FMO5: variants seen among roughly 807,000 people sequenced by gnomAD.
The protein encoded by FMO5 is flavin containing dimethylaniline monoxygenase 5.
A neutral mutation model predicts 43.6 loss-of-function variants in FMO5; 51 were observed. That is an observed-to-expected ratio of 1.17 (90% confidence interval 0.93 to 1.48). The LOEUF (loss-of-function observed/expected upper bound fraction) is 1.48, where lower values mean the gene tolerates loss of function less well. Ranked by LOEUF, FMO5 falls within the 40% of genes most tolerant of loss-of-function variation. The pLI is 0.00. For synonymous variants in FMO5, 187 were observed against 216.5 expected (o/e 0.86, Z 1.20); for missense variants, 644 against 643.0 (o/e 1.00, Z -0.02).
intron 6 of FMO5, chr1:147,203,543 C>A: frequency 1.1e-6 from 1 of 934,246 alleles, no homozygotes; most frequent in Non-Finnish European, 1.8e-6. Flanking sequence ...ACTTCATTGG[C>A]CTTAACTCCA....
intron 6 of FMO5, chr1:147,204,608 C>A (rs587666704): frequency 2.3e-5 from 37 of 1,592,134 alleles, no homozygotes; most frequent in Non-Finnish European, 3.0e-5. Flanking sequence ...AGGAGAGCTC[C>A]GGCAAATACC....
At chr1:147,196,841 AAAT>A (rs1658102964) in intron 7 of FMO5, among the ~76,000 whole-genome samples, 1 of 152,058 alleles carries the variant, frequency 6.6e-6, no homozygotes, top group South Asian at 2.1e-4. Context: ...TTCTGTCACC[AAAT>A]TCTTCAGATT....
At chr1:147,191,735 C>A (rs371939758) in intron 7 of FMO5, among the ~76,000 whole-genome samples, 1 of 151,886 alleles carries the variant, frequency 6.6e-6, no homozygotes, top group East Asian at 1.9e-4. Context: ...ATATGGCTAG[C>A]CAGTTTTCCC....
At chr1:147,209,226 T>C (rs587619185) in intron 5 of FMO5, among the ~76,000 whole-genome samples, 175 bp from the exon 6 acceptor site, 274 of 152,194 alleles carry the variant, frequency 1.8e-3, no homozygotes, top group Non-Finnish European at 3.0e-3. Context: ...GAGACCATCC[T>C]GGCTAACACA....
intron 2 of FMO5, among the ~76,000 whole-genome samples, chr1:147,218,050 T>C (rs587766066): frequency 1.3e-5 from 2 of 152,304 alleles, no homozygotes; most frequent in African/African-American, 4.8e-5. Flanking sequence ...TACATCAACA[T>C]TTATCTCAAA....
intron 6 of FMO5, among the ~76,000 whole-genome samples, chr1:147,207,566 G>A (rs782526839): frequency 6.6e-6 from 1 of 152,008 alleles, no homozygotes; most frequent in Non-Finnish European, 1.5e-5. Context: ...TATTTTTTGA[G>A]TCTGCCATTT....
intron 8 of FMO5, among the ~76,000 whole-genome samples, chr1:147,188,263 C>T (rs1655984978): frequency 6.6e-6 from 1 of 152,114 alleles, no homozygotes; most frequent in South Asian, 2.1e-4. Flanking sequence ...TGTTTCATGC[C>T]TGTAATCCTA....
At chr1:147,205,608 A>G (rs1200695040) in intron 6 of FMO5, among the ~76,000 whole-genome samples, 12 of 152,280 alleles carry the variant, frequency 7.9e-5, no homozygotes, top group South Asian at 2.1e-4. Context: ...CAGAAATAAT[A>G]CCACATATCT....
intron 7 of FMO5, 53 bp from the exon 8 acceptor site, chr1:147,190,302 A>T: frequency 9.0e-7 from 1 of 1,105,348 alleles, no homozygotes; most frequent in South Asian, 1.3e-5. Context: ...AAGGAACAAT[A>T]ATCCTATAAA....
At chr1:147,219,504 C>G (rs1662614009) in intron 2 of FMO5, among the ~76,000 whole-genome samples, 1 of 152,018 alleles carries the variant, frequency 6.6e-6, no homozygotes, top group African/African-American at 2.4e-5. Flanking sequence ...AGAACATCTA[C>G]AAAATACCTA....
rs1249819074 is a variant in FMO5 at position 147,201,139 on chromosome 1, C to G, written c.1183+13G>C. ...ACCAAGTAATTAAGTAGTCTATTTGCATGGTCACTTACCTTTAAATACCTG... is the reference window on the plus strand; with the variant it reads ...ACCAAGTAATTAAGTAGTCTATTTGGATGGTCACTTACCTTTAAATACCTG... On this transcript the variant is annotated intron_variant, in intron 7 of 8. Transcript: ENST00000254090. The G allele has an allele frequency of 1.3e-6, 2 of 1,575,640 alleles. No homozygotes were observed. The highest frequency in any genetic ancestry group is 8.7e-7 in the Non-Finnish European group (1 of 1,153,278).
intron 7 of FMO5, among the ~76,000 whole-genome samples, chr1:147,192,002 T>C (rs782404397): frequency 1.3e-5 from 2 of 152,130 alleles, no homozygotes; most frequent in Non-Finnish European, 2.9e-5. Flanking sequence ...GGGCTCTTTT[T>C]TGGTTCCATA....
chr1:147,222,350 A>T (rs1416525398), intron 2 of FMO5, among the ~76,000 whole-genome samples: 1 of 152,246 alleles, frequency 6.6e-6, no homozygotes, highest in Non-Finnish European at 1.5e-5. Context: ...CCTGGGTAAC[A>T]GAGTGAGACT....
chr1:147,190,216 A>G lies in FMO5; in HGVS notation c.1217T>C (p.Met406Thr), dbSNP rs782565858. 6.8e-6 allele frequency: 11 copies of G among 1,611,926 alleles called. No individual in the cohort carries two copies. The highest frequency in any genetic ancestry group is 8.5e-6 in the Non-Finnish European group (10 of 1,178,662). Residue 406 changes from methionine to threonine, a missense_variant, in exon 8 of 9, where the codon ATG (methionine) becomes ACG (threonine). Transcript: ENST00000254090. ...LKTLPSQSEM[M>T]AEISKAQEEI... Reference sequence around the variant, plus strand: ...CTCTTGAGCTTTAGATATTTCTGCCATCATTTCACTCTGTGAGGGCAATGT... The same window carrying G: ...CTCTTGAGCTTTAGATATTTCTGCCGTCATTTCACTCTGTGAGGGCAATGT...
chr1:147,193,747 C>G (rs1657375125), intron 7 of FMO5, among the ~76,000 whole-genome samples: 2 of 152,070 alleles, frequency 1.3e-5, no homozygotes, highest in African/African-American at 4.8e-5. Flanking sequence ...TTTATTTCTG[C>G]TTTCGTTTCG....
At position 147,212,510 on chromosome 1, in the gene FMO5, G is replaced by T. The variant is rs782061860; in HGVS notation, c.513C>A (p.Tyr171Ter). Residue 171 changes from tyrosine to a stop codon, truncating the protein, a stop_gained, in exon 5 of 9, where the codon TAC becomes TAA. Coordinates refer to ENST00000254090, the MANE Select transcript of FMO5 (RefSeq NM_001461.4). LOFTEE classifies it high-confidence loss of function. Reference sequence around the variant, plus strand: ...GGTTCTTATAGTCTCGACTGTGGAAGTACTGCCCTTTGAACTTCTCAATTC... The same window carrying T: ...GGTTCTTATAGTCTCGACTGTGGAATTACTGCCCTTTGAACTTCTCAATTC... ...FPGIEKFKGQ[Y>*]FHSRDYKNPE... The T allele has an allele frequency of 3.7e-6, 6 of 1,613,570 alleles. No individual in the cohort carries two copies. In the African/African-American group the frequency reaches 6.7e-5, roughly 18 times the overall value.
chr1:147,196,476 A>T (rs1380632277), intron 7 of FMO5, among the ~76,000 whole-genome samples: 1 of 152,104 alleles, frequency 6.6e-6, no homozygotes, highest in African/African-American at 2.4e-5. Context: ...GAGACACCCA[A>T]TTCATAAAAG....
At chr1:147,210,755 A>G (rs1660946290) in intron 5 of FMO5, 1 of 152,186 alleles carries the variant, frequency 6.6e-6, no homozygotes, top group Non-Finnish European at 1.5e-5. Flanking sequence ...TATAGTAAAC[A>G]CTTGATAAGT....
rs72549314 is a variant in FMO5, at chr1:147,187,132, G to A, written c.1370C>T (p.Pro457Leu). The A allele has an allele frequency of 6.2e-7, 1 of 1,614,000 alleles. No homozygotes were observed. Among genetic ancestry groups the A allele is most frequent in the African/African-American group, 1.3e-5 (1 of 74,904 alleles). ...PNLLSLAFTD[P>L]KLALHLLLGP... ...CAGTAATAAGTGTAATGCCAGCTTG[G>A]GGTCAGTGAAGGCCAGAGACAGCAG... The change falls in exon 9 of 9, where the codon CCC (proline) becomes CTC (leucine). Residue 457 changes from proline (P) to leucine (L), a missense_variant. Physicochemically the swap from Pro to Leu is moderately conservative, Grantham distance 98. Coordinates refer to ENST00000254090, the MANE Select transcript of FMO5 (RefSeq NM_001461.4).
Sources: allele counts gnomAD v4.1 joint callset (sites outside exome capture counted in the v4.1 genomes callset), GRCh38; gene constraint gnomAD v4.1.1; transcripts MANE v1.5; gene names NCBI Gene and HGNC (gene_info 2026-07-23, HGNC 2026-07-21).